The following GLP1R variants were observed in gnomAD, a reference collection of about 807,000 sequenced individuals.
GLP1R encodes glucagon-like peptide 1 receptor.
Under a neutral mutation model 68.4 loss-of-function variants are expected in GLP1R, and 32 were observed. The observed-to-expected ratio is 0.47, with a 90% CI of 0.35 to 0.63. The LOEUF is 0.63. Among genes scored for constraint, GLP1R ranks in the 20% least tolerant of loss-of-function variants. The pLI, the probability that GLP1R is intolerant of heterozygous loss-of-function variation, is 0.00. For missense variants in GLP1R, 502 were observed against 594.9 expected (o/e 0.84, Z 1.62); for synonymous variants, 263 against 244.4 (o/e 1.08, Z -0.71).
intron 1 of GLP1R, among the ~76,000 whole-genome samples, chr6:39,054,926 T>C (rs575357985): frequency 2.3e-4 from 35 of 152,246 alleles, no homozygotes; most frequent in Admixed American, 1.2e-3. Context: ...GCTAATATCA[T>C]GGACAACACC....
At chr6:39,072,370 T>C (rs755320562) in intron 5 of GLP1R, among the ~76,000 whole-genome samples, 1 of 152,222 alleles carries the variant, frequency 6.6e-6, no homozygotes, top group Non-Finnish European at 1.5e-5. Context: ...TAAATAGCCT[T>C]CATTAGGTTA....
chr6:39,079,412 C>T lies in GLP1R; in HGVS notation c.1044-152C>T. 1.1e-6 allele frequency: 1 copy of T among 875,546 alleles called. No individual in the cohort carries two copies. Among genetic ancestry groups the T allele is most frequent in the Non-Finnish European group, 1.7e-6 (1 of 577,186 alleles). 54.2% of individuals were successfully genotyped at this position (875,546 alleles called of 1,614,324 possible). ...TTGGGGTCTTGACCTCTATTCTTTC[C>T]CTCCAGGCAGCCTGTCCCAGGGTAT... On this transcript the variant is annotated intron_variant, in intron 10 of 12. Coordinates refer to ENST00000373256, the MANE Select transcript of GLP1R (RefSeq NM_002062.5). The surrounding 1 kb of genome is among the most constrained non-coding windows in gnomAD (Gnocchi z 4.5).
chr6:39,062,077 C>T (rs1176726488), intron 3 of GLP1R, among the ~76,000 whole-genome samples: 2 of 152,208 alleles, frequency 1.3e-5, no homozygotes, highest in Non-Finnish European at 2.9e-5. Context: ...TCATGAGCAG[C>T]TCTCCACAGC....
chr6:39,052,357 G>A (rs916449148), intron 1 of GLP1R, among the ~76,000 whole-genome samples: 2 of 152,144 alleles, frequency 1.3e-5, no homozygotes, highest in Non-Finnish European at 2.9e-5. Context: ...AGGTGACACA[G>A]AGGAAGGAGG....
chr6:39,057,947 C>T (rs918623424), intron 3 of GLP1R, among the ~76,000 whole-genome samples: 3 of 152,330 alleles, frequency 2.0e-5, no homozygotes, highest in Non-Finnish European at 4.4e-5. Flanking sequence ...GCGCTGCTTC[C>T]TTTCCTCTGA....
intron 1 of GLP1R, among the ~76,000 whole-genome samples, chr6:39,052,674 C>T (rs998747759): frequency 1.3e-5 from 2 of 152,212 alleles, no homozygotes; most frequent in Non-Finnish European, 2.9e-5. Context: ...GCTTCCTTCT[C>T]TGCTGTCCTT....
intron 1 of GLP1R, among the ~76,000 whole-genome samples, chr6:39,055,370 A>G (rs1768187408): frequency 6.6e-6 from 1 of 152,238 alleles, no homozygotes; most frequent in African/African-American, 2.4e-5. Flanking sequence ...CCTCTGAAGG[A>G]CGAATATTTA....
At chr6:39,056,352 G>A in intron 1 of GLP1R, 45 bp from the exon 2 acceptor site, 1 of 990,586 alleles carries the variant, frequency 1.0e-6, no homozygotes, top group Non-Finnish European at 1.6e-6. Flanking sequence ...GGCAGGAGAG[G>A]GGCTGGCTGA....
intron 12 of GLP1R, among the ~76,000 whole-genome samples, chr6:39,084,485 C>T (rs1423503768): frequency 6.6e-6 from 1 of 152,096 alleles, no homozygotes; most frequent in Non-Finnish European, 1.5e-5. Flanking sequence ...TACCATCTTT[C>T]CCCCCCTCTC....
chr6:39,055,918 G>A lies in GLP1R; in HGVS notation c.79-479G>A, dbSNP rs190755420. On this transcript the variant is annotated intron_variant, in intron 1 of 12. Coordinates refer to ENST00000373256, the MANE Select transcript of GLP1R (RefSeq NM_002062.5). ...TAGCCTTAACTCTGCTTCCTGGGGGGGCTGTGCACCCTTGATTCAGTTCCT... is the reference window on the plus strand; with the variant it reads ...TAGCCTTAACTCTGCTTCCTGGGGGAGCTGTGCACCCTTGATTCAGTTCCT... Among the ~76,000 whole-genome samples the A allele has an allele frequency of 5.3e-3, 804 of 152,206 alleles. 5 individuals are homozygous for A. Among genetic ancestry groups the A allele is most frequent in the African/African-American group, 0.018 (762 of 41,514 alleles).
At chr6:39,084,753 A>G (rs778738593) in intron 12 of GLP1R, among the ~76,000 whole-genome samples, 3 of 152,096 alleles carry the variant, frequency 2.0e-5, no homozygotes. Flanking sequence ...GGCCATCTCA[A>G]CTCTACTCAG....
At position 39,049,067 on chromosome 6, in the gene GLP1R, G is replaced by T; in HGVS notation, c.78+149G>T. ...GAAAGCCTCGGGGGGAGTAGGGACT[G>T]GAGACTTGGTGCCCCTGGGCTGGAA... is the stretch of plus-strand genomic sequence containing the variant. On this transcript the variant is annotated intron_variant, in intron 1 of 12. Transcript: ENST00000373256. This position sits in a 1 kb window ranked among gnomAD's most constrained non-coding sequence, Gnocchi z 4.5. 1 of 474,070 alleles carries T rather than the reference G, an allele frequency of 2.1e-6. No individual in the cohort carries two copies. Among genetic ancestry groups the T allele is most frequent in the Non-Finnish European group, 3.7e-6 (1 of 270,702 alleles). 29.4% of individuals were successfully genotyped at this position (474,070 alleles called of 1,614,324 possible). A position where few individuals can be genotyped will look rare whatever the true frequency, so the allele number is the denominator to read the frequency against.
chr6:39,083,156 A>G (rs902315864), intron 12 of GLP1R, among the ~76,000 whole-genome samples: 12 of 152,136 alleles, frequency 7.9e-5, no homozygotes, highest in African/African-American at 2.9e-4. Context: ...CCCAGCTAGC[A>G]TCTCCCCGTG....
intron 3 of GLP1R, among the ~76,000 whole-genome samples, chr6:39,058,267 G>A (rs1160436597): frequency 1.3e-5 from 2 of 152,250 alleles, no homozygotes; most frequent in East Asian, 3.9e-4. Context: ...GTATGCAGGT[G>A]GCCCATACCT....
At chr6:39,072,255 T>G (rs72859604) in intron 5 of GLP1R, among the ~76,000 whole-genome samples, 247 of 152,338 alleles carry the variant, frequency 1.6e-3, no homozygotes, top group Non-Finnish European at 2.9e-3. Flanking sequence ...GTAGTTACAA[T>G]GTTGACTAGA....
At chr6:39,073,478 T>C in intron 6 of GLP1R, 132 bp from the exon 7 acceptor site, 1 of 754,150 alleles carries the variant, frequency 1.3e-6, no homozygotes, top group East Asian at 2.5e-5. Flanking sequence ...GCACTAGCCC[T>C]AGCCAGAGAT....
intron 3 of GLP1R, among the ~76,000 whole-genome samples, chr6:39,064,688 G>C (rs1768452403): frequency 6.6e-6 from 1 of 152,240 alleles, no homozygotes; most frequent in South Asian, 2.1e-4. Context: ...TGAGGCCACA[G>C]GCCAGCCATC....
Position 39,073,708 on chromosome 6 carries a change from G to A in GLP1R, c.762G>A (p.Leu254=), listed in dbSNP as rs1333010427. The part of the protein sequence containing the change: ...LLVEGVYLYT[L]LAFSVLSEQW... ...TGGAGGGCGTGTACCTGTACACACT[G>A]CTGGCCTTCTCGGTCTTATCTGAGC... is the stretch of plus-strand genomic sequence containing the variant. The change falls in exon 7 of 13, where the codon CTG becomes CTA. Residue 254 remains leucine, a synonymous_variant. Transcript: ENST00000373256. The A allele has an allele frequency of 2.5e-6, 4 of 1,613,806 alleles. No individual in the cohort carries two copies. In the African/African-American group the frequency reaches 4.0e-5, roughly 16 times the overall value.
chr6:39,074,573 C>T (rs1768764504), intron 7 of GLP1R, among the ~76,000 whole-genome samples: 1 of 152,018 alleles, frequency 6.6e-6, no homozygotes, highest in Non-Finnish European at 1.5e-5. Context: ...TTTCCTGTTC[C>T]ACACCATCCC....
Sources: allele counts gnomAD v4.1 joint callset (sites outside exome capture counted in the v4.1 genomes callset), GRCh38; gene constraint gnomAD v4.1.1; non-coding constraint Gnocchi (gnomAD v3.1); transcripts MANE v1.5; gene names NCBI Gene and HGNC (gene_info 2026-07-23, HGNC 2026-07-21).